Variants in CACNA2D3 observed in about 807,000 individuals in gnomAD.
The protein encoded by CACNA2D3 is voltage-dependent calcium channel subunit alpha-2/delta-3.
In CACNA2D3, 60 loss-of-function variants were observed where a neutral mutation model predicts 160.6. The observed-to-expected ratio is 0.37, with a 90% CI of 0.30 to 0.46. The LOEUF is 0.46. Among genes scored for constraint, CACNA2D3 ranks in the 20% least tolerant of loss-of-function variants. The pLI, the probability that CACNA2D3 is intolerant of heterozygous loss-of-function variation, is 1.00. For synonymous variants in CACNA2D3, 558 were observed against 492.9 expected, an observed-to-expected ratio of 1.13 and a Z score of -1.75; for missense variants, 1,205 against 1,365.0, an observed-to-expected ratio of 0.88 and a Z score of 1.85.
intron 29 of CACNA2D3, among the ~76,000 whole-genome samples, chr3:54,977,681 A>G (rs982088654): frequency 2.2e-4 from 33 of 152,304 alleles, no homozygotes; most frequent in African/African-American, 7.7e-4. Context: ...TACTGACTCA[A>G]CAGAGGTTAG....
At chr3:54,550,966 T>A (rs1220228646) in intron 5 of CACNA2D3, among the ~76,000 whole-genome samples, 2 of 152,198 alleles carry the variant, frequency 1.3e-5, no homozygotes, top group African/African-American at 2.4e-5. Context: ...CATGGATGAC[T>A]GCAGGAGCCT....
At chr3:55,051,823 G>A (rs370706371) in intron 35 of CACNA2D3, among the ~76,000 whole-genome samples, 1 of 152,162 alleles carries the variant, frequency 6.6e-6, no homozygotes, top group African/African-American at 2.4e-5. Flanking sequence ...CGTTTTTTAA[G>A]CCCGTCGGAA....
At chr3:54,702,369 G>A (rs1314548311) in intron 11 of CACNA2D3, among the ~76,000 whole-genome samples, 1 of 152,090 alleles carries the variant, frequency 6.6e-6, no homozygotes, top group Non-Finnish European at 1.5e-5. Context: ...GAAGTCTAAT[G>A]TCCAGGGAAT....
At chr3:54,730,884 C>G (rs1043009337) in intron 11 of CACNA2D3, among the ~76,000 whole-genome samples, 1 of 152,060 alleles carries the variant, frequency 6.6e-6, no homozygotes, top group Non-Finnish European at 1.5e-5. Context: ...GCTGCATTAC[C>G]GAAACAAAAT....
chr3:54,141,094 C>T (rs201126824), intron 2 of CACNA2D3, among the ~76,000 whole-genome samples: 8,760 of 81,640 alleles, frequency 0.11, 830 homozygotes, highest in African/African-American at 0.29. Flanking sequence ...TGTGCGCGCG[C>T]GCGCGTGTGT....
At chr3:54,992,870 C>T (rs1224529229) in intron 31 of CACNA2D3, among the ~76,000 whole-genome samples, 2 of 151,996 alleles carry the variant, frequency 1.3e-5, no homozygotes, top group Non-Finnish European at 2.9e-5. Context: ...ACAGGCTGTA[C>T]AGGAAGCATG....
intron 27 of CACNA2D3, among the ~76,000 whole-genome samples, chr3:54,928,978 C>G (rs777000394): frequency 2.6e-5 from 4 of 152,146 alleles, no homozygotes; most frequent in Non-Finnish European, 5.9e-5. Context: ...GGGGTTTCAA[C>G]CCCTGAAGCT....
chr3:55,007,530 C>T (rs1703123797), intron 32 of CACNA2D3, among the ~76,000 whole-genome samples: 2 of 152,208 alleles, frequency 1.3e-5, no homozygotes, highest in African/African-American at 4.8e-5. Flanking sequence ...CCTTTTTCCT[C>T]CCACTGATAA....
intron 11 of CACNA2D3, among the ~76,000 whole-genome samples, chr3:54,715,609 A>G (rs1254027662): frequency 6.6e-6 from 1 of 152,038 alleles, no homozygotes; most frequent in Non-Finnish European, 1.5e-5. Context: ...GAGGCTATCT[A>G]GGGGCCCTCA....
intron 11 of CACNA2D3, among the ~76,000 whole-genome samples, chr3:54,670,012 A>G (rs1700129759): frequency 6.6e-6 from 1 of 152,212 alleles, no homozygotes; most frequent in African/African-American, 2.4e-5. Flanking sequence ...AGGACCAAGG[A>G]AACACTGAAA....
At chr3:54,179,965 G>A (rs550526591) in intron 2 of CACNA2D3, among the ~76,000 whole-genome samples, 136 of 152,200 alleles carry the variant, frequency 8.9e-4, no homozygotes, top group African/African-American at 3.0e-3. Flanking sequence ...GGTTGTGGCC[G>A]GGGCTATCAG....
rs978224669 is a variant in CACNA2D3, at chr3:55,009,326, A to G, written c.2820-62A>G. The G allele has an allele frequency of 6.3e-5, 87 of 1,378,464 alleles. No homozygotes were observed. The African/African-American group carries it at 9.4e-4, about 15-fold the overall frequency. 85.4% of individuals were successfully genotyped at this position (1,378,464 alleles called of 1,614,324 possible). A position where few individuals can be genotyped will look rare whatever the true frequency, so the allele number is the denominator to read the frequency against. ...GCGATGCCAAAGAATACAGAAAGTCACTGTTCTGTGATATGGGCATGGATG... is the reference window on the plus strand; with the variant it reads ...GCGATGCCAAAGAATACAGAAAGTCGCTGTTCTGTGATATGGGCATGGATG... On this transcript the variant is annotated intron_variant, in intron 33 of 37. Coordinates refer to ENST00000474759, the MANE Select transcript of CACNA2D3 (RefSeq NM_018398.3).
chr3:54,607,621 C>T (rs537450041), intron 9 of CACNA2D3, among the ~76,000 whole-genome samples: 12 of 152,234 alleles, frequency 7.9e-5, no homozygotes, highest in South Asian at 6.2e-4. Flanking sequence ...TTGATAGGAA[C>T]GTAAAATAGT....
chr3:54,167,777 A>G (rs569825197), intron 2 of CACNA2D3, among the ~76,000 whole-genome samples: 2 of 152,324 alleles, frequency 1.3e-5, no homozygotes, highest in African/African-American at 4.8e-5. Flanking sequence ...ATGGAAGTCC[A>G]TTTGGTTGTG....
chr3:54,572,492 G>A (rs892639770), intron 8 of CACNA2D3, among the ~76,000 whole-genome samples: 3 of 152,170 alleles, frequency 2.0e-5, no homozygotes, highest in Admixed American at 6.5e-5. Context: ...GCATGAAGCC[G>A]CAGAAGTGAC....
intron 2 of CACNA2D3, among the ~76,000 whole-genome samples, chr3:54,141,502 G>A (rs1699934761): frequency 6.6e-6 from 1 of 152,204 alleles, no homozygotes; most frequent in Non-Finnish European, 1.5e-5. Context: ...GGGCAAGAAT[G>A]CTGGGTTAAG....
In CACNA2D3 at chr3:55,033,657, AATAG is replaced by A. The variant is rs1425867864; in HGVS notation, c.2987+15344_2987+15347del. Among the ~76,000 whole-genome samples the A allele has an allele frequency of 4.4e-5, 6 of 137,210 alleles. 1 individual carries two copies. The highest frequency in any genetic ancestry group is 1.3e-4 in the African/African-American group (5 of 37,074). 90.0% of individuals were successfully genotyped at this position (137,210 alleles called of 152,430 possible). A position where few individuals can be genotyped will look rare whatever the true frequency, so the allele number is the denominator to read the frequency against. On this transcript the variant is annotated intron_variant, in intron 35 of 37. Transcript: ENST00000474759. ...ATATATACCCTTAAAATATATATAA[AATAG>A]ATATATAAAATATAAATGTGTATAT...
At chr3:54,935,058 G>T (rs1701295961) in intron 27 of CACNA2D3, among the ~76,000 whole-genome samples, 1 of 152,214 alleles carries the variant, frequency 6.6e-6, no homozygotes, top group Non-Finnish European at 1.5e-5. Flanking sequence ...CTATTTAGCA[G>T]TTTTCTCATC....
chr3:54,547,122 TGATAAA>T (rs1702077841), intron 5 of CACNA2D3, among the ~76,000 whole-genome samples: 1 of 152,170 alleles, frequency 6.6e-6, no homozygotes. Context: ...AAGAAATAGT[TGATAAA>T]GGAATTTATA....
Sources: allele counts gnomAD v4.1 joint callset (sites outside exome capture counted in the v4.1 genomes callset), GRCh38; gene constraint gnomAD v4.1.1; transcripts MANE v1.5; gene names NCBI Gene and HGNC (gene_info 2026-07-23, HGNC 2026-07-21).